The following PLCE1 variants were observed in gnomAD, a reference collection of about 807,000 sequenced individuals.
PLCE1 encodes phospholipase C epsilon 1, also known as 1-phosphatidylinositol 4,5-bisphosphate phosphodiesterase epsilon-1.
A neutral mutation model predicts 242.8 loss-of-function variants in PLCE1; 119 were observed. The observed-to-expected ratio is 0.49, with a 90% CI of 0.42 to 0.57. The LOEUF (loss-of-function observed/expected upper bound fraction) is 0.57, where lower values mean the gene tolerates loss of function less well. PLCE1 is among the 20% of genes least tolerant of loss of function. The pLI is 0.00. For missense variants in PLCE1, 2,441 were observed against 2,788.8 expected (o/e 0.88, Z 2.81); for synonymous variants, 945 against 1,017.4 (o/e 0.93, Z 1.35).
chr10:94,177,124 A>G (rs1447634925), intron 4 of PLCE1, among the ~76,000 whole-genome samples: 1 of 152,244 alleles, frequency 6.6e-6, no homozygotes, highest in East Asian at 1.9e-4. Flanking sequence ...TAATGTGAGA[A>G]AAAGGAAGAA....
chr10:94,143,206 T>C (rs974514483), intron 3 of PLCE1, among the ~76,000 whole-genome samples: 2 of 152,208 alleles, frequency 1.3e-5, no homozygotes, highest in African/African-American at 2.4e-5. Flanking sequence ...ACTTCTGTTG[T>C]TTTTACTTAA....
At chr10:94,290,000 G>C (rs1037704045) in intron 22 of PLCE1, among the ~76,000 whole-genome samples, 2 of 151,892 alleles carry the variant, frequency 1.3e-5, no homozygotes, top group African/African-American at 2.4e-5. Context: ...TTGTACAACT[G>C]TATAAAAATG....
At chr10:94,309,049 CA>C (rs1564883897) in intron 27 of PLCE1, among the ~76,000 whole-genome samples, 1 of 152,152 alleles carries the variant, frequency 6.6e-6, no homozygotes, top group Non-Finnish European at 1.5e-5. Flanking sequence ...GGAAGTAAGC[CA>C]AATATAACAA....
At chr10:94,177,102 A>G (rs964566150) in intron 4 of PLCE1, among the ~76,000 whole-genome samples, 8 of 152,214 alleles carry the variant, frequency 5.3e-5, no homozygotes, top group African/African-American at 1.9e-4. Flanking sequence ...TCTCTACACA[A>G]TGACTTAACT....
chr10:94,160,442 C>T (rs2047573008), intron 3 of PLCE1, among the ~76,000 whole-genome samples: 1 of 152,172 alleles, frequency 6.6e-6, no homozygotes, highest in African/African-American at 2.4e-5. Context: ...TGTTCATATA[C>T]TTTGCCCACT....
chr10:94,305,126 A>G (rs551909492), intron 25 of PLCE1, among the ~76,000 whole-genome samples: 160 of 151,986 alleles, frequency 1.1e-3, no homozygotes, highest in African/African-American at 2.8e-3. Context: ...AACTCCACAG[A>G]CTCCTCTTAA....
intron 7 of PLCE1, among the ~76,000 whole-genome samples, chr10:94,243,902 T>C (rs1416556225): frequency 6.6e-6 from 1 of 152,266 alleles, no homozygotes; most frequent in Non-Finnish European, 1.5e-5. Context: ...TGCATTCTTG[T>C]GTGTCTTGCT....
chr10:94,326,797 CTTT>C (rs958508554), intron 32 of PLCE1, among the ~76,000 whole-genome samples: 1 of 151,776 alleles, frequency 6.6e-6, no homozygotes, highest in Non-Finnish European at 1.5e-5. Flanking sequence ...ATTCACATGA[CTTT>C]TTTTTTCTTT....
intron 2 of PLCE1, among the ~76,000 whole-genome samples, chr10:94,068,628 G>A (rs1360371048): frequency 6.6e-6 from 1 of 152,208 alleles, no homozygotes; most frequent in East Asian, 1.9e-4. Context: ...GTATTAACAT[G>A]TATGGAATGC....
At chr10:94,268,898 C>T (rs1334765599) in intron 16 of PLCE1, 31 bp from the exon 17 acceptor site, 1 of 1,287,910 alleles carries the variant, frequency 7.8e-7, no homozygotes, top group Non-Finnish European at 1.1e-6. Flanking sequence ...CAGGTGCTCA[C>T]CTGGGGTGGA....
intron 1 of PLCE1, among the ~76,000 whole-genome samples, chr10:93,996,424 T>G (rs574638284): frequency 6.6e-6 from 1 of 152,120 alleles, no homozygotes; most frequent in Non-Finnish European, 1.5e-5. Flanking sequence ...TTAGGAAACA[T>G]GGTGCTTCTG....
intron 14 of PLCE1, among the ~76,000 whole-genome samples, chr10:94,264,633 T>G (rs2051446975): frequency 6.8e-6 from 1 of 147,280 alleles, no homozygotes; most frequent in South Asian, 2.2e-4. Context: ...GCAATTCTCC[T>G]GCCTCAGCCT....
At chr10:94,039,537 C>T (rs930638671) in intron 2 of PLCE1, among the ~76,000 whole-genome samples, 1 of 152,062 alleles carries the variant, frequency 6.6e-6, no homozygotes, top group African/African-American at 2.4e-5. Context: ...AGGTGCGTGC[C>T]ACTATGCCCA....
At chr10:94,143,569 A>G (rs1304661891) in intron 3 of PLCE1, among the ~76,000 whole-genome samples, 1 of 152,232 alleles carries the variant, frequency 6.6e-6, no homozygotes, top group African/African-American at 2.4e-5. Flanking sequence ...GCAAATACTT[A>G]AGAGGATAAA....
At chr10:94,049,939 T>C (rs2043717971) in intron 2 of PLCE1, among the ~76,000 whole-genome samples, 1 of 152,216 alleles carries the variant, frequency 6.6e-6, no homozygotes, top group South Asian at 2.1e-4. Flanking sequence ...CTGGATGTAG[T>C]TATAGTTTGT....
At chr10:94,250,047 G>T (rs1422082656) in intron 8 of PLCE1, among the ~76,000 whole-genome samples, 2 of 149,402 alleles carry the variant, frequency 1.3e-5, no homozygotes, top group African/African-American at 4.9e-5. Flanking sequence ...ATTTTTTAAG[G>T]AATCTATTTT....
chr10:94,327,055 G>A (rs572719023), intron 32 of PLCE1, among the ~76,000 whole-genome samples: 9 of 152,040 alleles, frequency 5.9e-5, no homozygotes, highest in Middle Eastern at 3.4e-3. Flanking sequence ...CCAGCTACTC[G>A]GGAGGCTGAG....
At chr10:94,179,530 TGACAGGGTC>T (rs2048240481) in intron 4 of PLCE1, among the ~76,000 whole-genome samples, 1 of 118,826 alleles carries the variant, frequency 8.4e-6, no homozygotes, top group African/African-American at 3.2e-5. Context: ...TTTTTTTTTT[TGACAGGGTC>T]TCTGTTGCCC....
At chr10:94,325,574 A>G (rs1325401171) in intron 32 of PLCE1, 1 of 152,176 alleles carries the variant, frequency 6.6e-6, no homozygotes. Flanking sequence ...CAGCCTGGGC[A>G]ATGAGAGTGA....
Sources: allele counts gnomAD v4.1 joint callset (sites outside exome capture counted in the v4.1 genomes callset), GRCh38; gene constraint gnomAD v4.1.1; transcripts MANE v1.5; gene names NCBI Gene and HGNC (gene_info 2026-07-23, HGNC 2026-07-21).